MCF2L2: variants seen among roughly 807,000 people sequenced by gnomAD.
The protein encoded by MCF2L2 is MCF.2 cell line derived transforming sequence-like 2, also known as probable guanine nucleotide exchange factor MCF2L2.
Under a neutral mutation model 150.2 loss-of-function variants are expected in MCF2L2, and 102 were observed. That is an observed-to-expected ratio of 0.68 (90% CI 0.58 to 0.80). The LOEUF is 0.80. Ranked by LOEUF, MCF2L2 falls within the 30% of genes least tolerant of loss-of-function variation. MCF2L2 has a pLI of 0.00. For synonymous variants in MCF2L2, 465 were observed against 491.3 expected (o/e 0.95, Z 0.71); for missense variants, 1,256 against 1,372.8 (o/e 0.91, Z 1.34).
At chr3:183,411,864 G>A (rs1026437553) in intron 1 of MCF2L2, among the ~76,000 whole-genome samples, 1 of 152,168 alleles carries the variant, frequency 6.6e-6, no homozygotes, top group Non-Finnish European at 1.5e-5. Context: ...GCTAAGCACA[G>A]AGAAAAACTT....
At chr3:183,231,302 G>C in intron 15 of MCF2L2, 1 of 550,886 alleles carries the variant, frequency 1.8e-6, no homozygotes, top group Non-Finnish European at 3.5e-6. Flanking sequence ...GCCATATAGT[G>C]TGGGGGTCAA....
chr3:183,219,392 T>C lies in MCF2L2; in HGVS notation c.2370+464A>G, dbSNP rs374733864. Among the ~76,000 whole-genome samples, 30 of 152,124 alleles carry C rather than the reference T, an allele frequency of 2.0e-4. No individual in the cohort carries two copies. The East Asian group carries it at 5.8e-3, about 29-fold the overall frequency. ...TTGGGAGGCCGAGGCAGGTGGATCA[T>C]CTGAGGTCAGGAGTTCAAGACCAGC... On this transcript the variant is annotated intron_variant, in intron 21 of 29. Coordinates refer to ENST00000328913, the MANE Select transcript of MCF2L2 (RefSeq NM_015078.4).
At position 183,267,685 on chromosome 3, in the gene MCF2L2, A is replaced by T. The variant is rs1726293799; in HGVS notation, c.1862+9187T>A. The stretch of plus-strand genomic sequence containing the variant: ...CCCGAGGAAGAGAGCCTACCTTTCC[A>T]TCCAAGGAAGTGTTTTACCTGTGGT... On this transcript the variant is annotated intron_variant, in intron 15 of 29. Transcript: ENST00000328913. The surrounding 1 kb of genome is among the most constrained non-coding windows in gnomAD (Gnocchi z 5.5). Among the ~76,000 whole-genome samples, 1 of 152,174 alleles carries T rather than the reference A, an allele frequency of 6.6e-6. No individual in the cohort carries two copies. Among genetic ancestry groups the T allele is most frequent in the African/African-American group, 2.4e-5 (1 of 41,442 alleles).
chr3:183,243,128 G>A (rs2108684457), intron 15 of MCF2L2, among the ~76,000 whole-genome samples: 1 of 152,316 alleles, frequency 6.6e-6, no homozygotes, highest in South Asian at 2.1e-4. Flanking sequence ...CAGGCACATA[G>A]GTGGAAGGGA....
At chr3:183,263,126 C>T (rs1725775785) in intron 15 of MCF2L2, among the ~76,000 whole-genome samples, 1 of 151,946 alleles carries the variant, frequency 6.6e-6, no homozygotes, top group Admixed American at 6.6e-5. Context: ...AATTTGAGGT[C>T]TCAGAAGAAA....
chr3:183,247,718 A>G lies in MCF2L2; in HGVS notation c.1863-16701T>C, dbSNP rs1330787946. Reference sequence around the variant, plus strand: ...TTAAAATAATGCAAATTTTAAAAGCATAACAACTATTTACATAGTATTTAT... The same window carrying G: ...TTAAAATAATGCAAATTTTAAAAGCGTAACAACTATTTACATAGTATTTAT... On this transcript the variant is annotated intron_variant, in intron 15 of 29. Transcript: ENST00000328913. Among the ~76,000 whole-genome samples the G allele has an allele frequency of 2.0e-5, 3 of 152,248 alleles. No individual in the cohort carries two copies. In the East Asian group the frequency reaches 5.8e-4, roughly 29 times the overall value.
intron 15 of MCF2L2, among the ~76,000 whole-genome samples, chr3:183,250,594 GAA>G (rs111311322): frequency 5.8e-5 from 6 of 104,238 alleles, no homozygotes; most frequent in Admixed American, 9.9e-5. Flanking sequence ...TTCAAAAAAA[GAA>G]AAAAAAAAAA....
intron 1 of MCF2L2, among the ~76,000 whole-genome samples, chr3:183,398,492 G>C (rs910154732): frequency 6.6e-6 from 1 of 151,608 alleles, no homozygotes; most frequent in Non-Finnish European, 1.5e-5. Context: ...CTCTAACTTA[G>C]AGGAATTCAT....
intron 13 of MCF2L2, among the ~76,000 whole-genome samples, chr3:183,293,381 G>C (rs574120911): frequency 2.6e-5 from 4 of 152,214 alleles, no homozygotes; most frequent in Non-Finnish European, 5.9e-5. Flanking sequence ...TGTACATCCT[G>C]CCCAAGGGCA....
chr3:183,214,664 G>A (rs563673088), intron 22 of MCF2L2, among the ~76,000 whole-genome samples: 35 of 151,924 alleles, frequency 2.3e-4, no homozygotes, highest in Non-Finnish European at 4.6e-4. Context: ...TGACAAAAAC[G>A]CAGAAGAGGG....
intron 13 of MCF2L2, among the ~76,000 whole-genome samples, chr3:183,294,343 C>A (rs990382917): frequency 5.9e-5 from 9 of 151,430 alleles, no homozygotes; most frequent in Non-Finnish European, 1.5e-5. Flanking sequence ...TATTATGATG[C>A]ATTTGTTGTT....
intron 6 of MCF2L2, among the ~76,000 whole-genome samples, chr3:183,320,184 C>G (rs539418733): frequency 2.2e-3 from 339 of 151,886 alleles, no homozygotes; most frequent in Non-Finnish European, 3.5e-3. Flanking sequence ...CCTCCGCCTC[C>G]CGGGTTCAAG....
At chr3:183,255,975 C>A (rs1238096918) in intron 15 of MCF2L2, among the ~76,000 whole-genome samples, 1 of 152,084 alleles carries the variant, frequency 6.6e-6, no homozygotes, top group Non-Finnish European at 1.5e-5. Context: ...CTTTCTGAGG[C>A]CCAATTGCAC....
intron 16 of MCF2L2, among the ~76,000 whole-genome samples, chr3:183,230,726 G>A (rs1317034351): frequency 1.3e-5 from 2 of 152,160 alleles, no homozygotes; most frequent in Non-Finnish European, 1.5e-5. Flanking sequence ...GGGCTTTGCT[G>A]GAATCAGTGT....
rs568354206 is a variant in MCF2L2, at chr3:183,291,993, T to G, written c.1676-2773A>C. 4.6e-5 allele frequency among the ~76,000 whole-genome samples: 7 copies of G among 152,292 alleles called. 1 individual carries two copies. The highest frequency in any genetic ancestry group is 1.7e-4 in the African/African-American group (7 of 41,566). The stretch of plus-strand genomic sequence containing the variant: ...CAGACGAAAGGTCAAGAGAACCAAG[T>G]TCTGTTTCCAATCATCTAAGAAGGA... On this transcript the variant is annotated intron_variant, in intron 13 of 29. Transcript: ENST00000328913.
chr3:183,276,555 C>T (rs1210531536), intron 15 of MCF2L2: 2 of 271,120 alleles, frequency 7.4e-6, no homozygotes, highest in Middle Eastern at 1.0e-3. Flanking sequence ...AACCAAGAGA[C>T]TTTAAATGTG....
chr3:183,292,792 C>G (rs558311674), intron 13 of MCF2L2, among the ~76,000 whole-genome samples: 8 of 152,138 alleles, frequency 5.3e-5, no homozygotes, highest in Admixed American at 6.6e-5. Context: ...TGGTATGAAA[C>G]TAATTCAATA....
intron 25 of MCF2L2, among the ~76,000 whole-genome samples, chr3:183,205,313 G>A (rs1722434292): frequency 6.6e-6 from 1 of 152,130 alleles, no homozygotes; most frequent in Non-Finnish European, 1.5e-5. Context: ...GGAGGCAGAG[G>A]TTGCAGTGAG....
chr3:183,382,645 T>G (rs1411530592), intron 2 of MCF2L2, among the ~76,000 whole-genome samples: 1 of 152,196 alleles, frequency 6.6e-6, no homozygotes, highest in Non-Finnish European at 1.5e-5. Context: ...CAAAGTCCAG[T>G]GCATTCCTTG....
Sources: allele counts gnomAD v4.1 joint callset (sites outside exome capture counted in the v4.1 genomes callset), GRCh38; gene constraint gnomAD v4.1.1; non-coding constraint Gnocchi (gnomAD v3.1); transcripts MANE v1.5; gene names NCBI Gene and HGNC (gene_info 2026-07-23, HGNC 2026-07-21).